The following FBL variants were observed in gnomAD, a reference collection of about 807,000 sequenced individuals.
The protein encoded by FBL is fibrillarin rRNA 2'-O-methyltransferase, also known as rRNA 2'-O-methyltransferase fibrillarin.
Under a neutral mutation model 42.2 loss-of-function variants are expected in FBL, and 10 were observed. The ratio of observed to expected loss-of-function variants is 0.24; its 90% CI spans 0.15 to 0.40. FBL has a LOEUF of 0.40. FBL is among the 10% of genes least tolerant of loss of function. FBL has a pLI of 1.00. For missense variants in FBL, 351 were observed against 439.2 expected, an observed-to-expected ratio of 0.80 and a Z score of 1.79; for synonymous variants, 165 against 165.4, an observed-to-expected ratio of 1.00 and a Z score of 0.02.
chr19:39,834,836 G>GTCTA, intron 7 of FBL, 23 bp from the exon 8 acceptor site: 2 of 1,613,692 alleles, frequency 1.2e-6, no homozygotes, highest in Non-Finnish European at 1.7e-6. Context: ...AAGGACTAAT[G>GTCTA]TCTACAACAG....
Position 39,842,702 on chromosome 19 carries a change from T to C in FBL, c.11-1915A>G, listed in dbSNP as rs547386652. Reference sequence around the variant, plus strand: ...CATCCAAAATGAAATAAAAAGTCCTTTCCCTGGCTTACAAAGCCTGAAATC... The same window carrying C: ...CATCCAAAATGAAATAAAAAGTCCTCTCCCTGGCTTACAAAGCCTGAAATC... On this transcript the variant is annotated intron_variant, in intron 1 of 8. Coordinates refer to ENST00000221801, the MANE Select transcript of FBL (RefSeq NM_001436.4). 4.6e-5 allele frequency among the ~76,000 whole-genome samples: 7 copies of C among 152,292 alleles called. No individual in the cohort carries two copies. The East Asian group carries it at 1.3e-3, about 29-fold the overall frequency.
chr19:39,844,585 G>A (rs1399630546), intron 1 of FBL, among the ~76,000 whole-genome samples: 2 of 151,920 alleles, frequency 1.3e-5, no homozygotes, highest in Non-Finnish European at 2.9e-5. Flanking sequence ...CAAACCCTTG[G>A]TTATCCTTGA....
chr19:39,835,736 A>G (rs935447391), intron 7 of FBL, among the ~76,000 whole-genome samples: 1 of 151,820 alleles, frequency 6.6e-6, no homozygotes, highest in African/African-American at 2.4e-5. Flanking sequence ...GAGCAGCCTG[A>G]GCAACATGGC....
rs1969258414 is a variant in FBL, at chr19:39,846,173, GA to G, written c.10+117del. On this transcript the variant is annotated intron_variant, in intron 1 of 8. Transcript: ENST00000221801. ...GAATCCCCCTTCCCACAGGAGACTG[GA>G]ACCCGTGCTCAGAACCCCTGCCCCC... 2.1e-5 allele frequency: 25 copies of G among 1,206,014 alleles called. No homozygotes were observed. In the South Asian group the frequency reaches 3.1e-4, roughly 15 times the overall value. The allele number at this position is 1,206,014 out of a possible 1,614,324, so 74.7% of individuals were successfully genotyped here.
chr19:39,834,849 C>A, intron 7 of FBL, 36 bp from the exon 8 acceptor site: 1 of 1,611,232 alleles, frequency 6.2e-7, no homozygotes, highest in South Asian at 1.1e-5. Flanking sequence ...TACAACAGGG[C>A]TTTGGGCTGT....
chr19:39,844,576 A>C (rs1969224306), intron 1 of FBL, among the ~76,000 whole-genome samples: 1 of 152,084 alleles, frequency 6.6e-6, no homozygotes, highest in Admixed American at 6.6e-5. Flanking sequence ...ACACACCCCC[A>C]AACCCTTGGT....
In FBL at chr19:39,840,780, A is replaced by G; in HGVS notation, c.18T>C (p.Ser6=). The change falls in exon 2 of 9, where the codon AGT becomes AGC. Residue 6 remains serine (S), a synonymous_variant. Coordinates refer to ENST00000221801, the MANE Select transcript of FBL (RefSeq NM_001436.4). This position sits in a 1 kb window ranked among gnomAD's most constrained non-coding sequence, Gnocchi z 4.5. ...GGCCGCCAAAGCCACCCCCACGGGG[A>G]CTGAATCCTGTGGGGGAAACAAAAC... MKPGF[S]PRGGGFGGRG... The G allele has an allele frequency of 6.4e-7, 1 of 1,553,230 alleles. No individual in the cohort carries two copies. Among genetic ancestry groups the G allele is most frequent in the Non-Finnish European group, 8.7e-7 (1 of 1,148,436 alleles).
chr19:39,836,935 G>T (rs966393504), intron 6 of FBL, among the ~76,000 whole-genome samples: 1 of 152,226 alleles, frequency 6.6e-6, no homozygotes, highest in Non-Finnish European at 1.5e-5. Flanking sequence ...ACATAGAGAC[G>T]AGTCAGACCC....
Position 39,840,218 on chromosome 19 carries a change from G to C in FBL, c.378+15C>G, listed in dbSNP as rs1249415364. The C allele has an allele frequency of 4.4e-6, 7 of 1,604,346 alleles. No individual in the cohort carries two copies. Among genetic ancestry groups the C allele is most frequent in the Non-Finnish European group, 6.0e-6 (7 of 1,171,666 alleles). On this transcript the variant is annotated intron_variant, in intron 4 of 8. Coordinates refer to ENST00000221801, the MANE Select transcript of FBL (RefSeq NM_001436.4). This position sits in a 1 kb window ranked among gnomAD's most constrained non-coding sequence, Gnocchi z 4.5. ...GCTGCGACCCTGGTGGCTTGGACAG[G>C]GGCCCAGTTCTCACCGAAATCGAGA...
chr19:39,837,688 G>T (rs902323956), intron 6 of FBL, 23 bp downstream of exon 6: 2 of 1,537,664 alleles, frequency 1.3e-6, no homozygotes, highest in African/African-American at 2.8e-5. Flanking sequence ...CTACCCCACC[G>T]GGGCCACCCC....
intron 1 of FBL, among the ~76,000 whole-genome samples, chr19:39,842,980 G>A (rs1969188578): frequency 6.6e-6 from 1 of 152,154 alleles, no homozygotes; most frequent in Non-Finnish European, 1.5e-5. Context: ...CTGCAGACAT[G>A]TGCATGGCTC....
intron 5 of FBL, 132 bp from the exon 6 acceptor site, chr19:39,837,975 C>T (rs616650): frequency 0.53 from 345,500 of 657,722 alleles, 94,203 homozygotes; most frequent in African/African-American, 0.71. Context: ...ATGACTATTG[C>T]TATCATGTCC....
Position 39,834,741 on chromosome 19 carries a change from T to C in FBL, c.868A>G (p.Asn290Asp), listed in dbSNP as rs200588236. ...GTCAACTGCTCCTGCGGCTTCATGT[T>C]CTCCTGTTGCATCTTTTTCACTTCG... is the stretch of plus-strand genomic sequence containing the variant. Reference protein sequence around the residue: ...ASEVKKMQQENMKPQEQLTLE... With the variant: ...ASEVKKMQQEDMKPQEQLTLE... Residue 290 changes from asparagine to aspartate, a missense_variant, in exon 8 of 9, where the codon AAC (asparagine) becomes GAC (aspartate). Coordinates refer to ENST00000221801, the MANE Select transcript of FBL (RefSeq NM_001436.4). 29 of 1,614,028 alleles carry C rather than the reference T, an allele frequency of 1.8e-5. No individual in the cohort carries two copies. The highest frequency in any genetic ancestry group is 2.5e-5 in the Non-Finnish European group (29 of 1,180,026).
chr19:39,839,255 C>T (rs200948849), intron 4 of FBL, 50 bp from the exon 5 acceptor site: 2 of 1,485,982 alleles, frequency 1.3e-6, no homozygotes, highest in Admixed American at 3.9e-5. Flanking sequence ...TCTGCAGGAC[C>T]TCACTGCCTT....
chr19:39,835,702 G>A (rs1969031594), intron 7 of FBL, among the ~76,000 whole-genome samples: 1 of 152,114 alleles, frequency 6.6e-6, no homozygotes, highest in South Asian at 2.1e-4. Flanking sequence ...GAGACAGGCA[G>A]ATTGCCTGAG....
chr19:39,836,740 G>A, intron 6 of FBL, 72 bp from the exon 7 acceptor site: 1 of 1,122,924 alleles, frequency 8.9e-7, no homozygotes, highest in Non-Finnish European at 1.3e-6. Context: ...TGGGGCCTAT[G>A]CCCATCACCA....
In FBL at chr19:39,840,722, C is replaced by G. The variant is rs1969147093; in HGVS notation, c.76G>C (p.Gly26Arg). The G allele has an allele frequency of 1.3e-5, 21 of 1,579,646 alleles. No individual in the cohort carries two copies. The highest frequency in any genetic ancestry group is 1.5e-5 in the Non-Finnish European group (18 of 1,163,154). Residue 26 changes from glycine to arginine, a missense_variant, in exon 2 of 9, where the codon GGC becomes CGC. Coordinates refer to ENST00000221801, the MANE Select transcript of FBL (RefSeq NM_001436.4). The surrounding 1 kb of genome is among the most constrained non-coding windows in gnomAD (Gnocchi z 4.5). Reference protein sequence around the residue: ...GGFGDRGGRGGRGGFGGGRGR... With the variant: ...GGFGDRGGRGRRGGFGGGRGR... Reference sequence around the variant, plus strand: ...CGGCCCCCGCCAAAGCCCCCTCGGCCTCCACGACCACCACGGTCACCAAAG... The same window carrying G: ...CGGCCCCCGCCAAAGCCCCCTCGGCGTCCACGACCACCACGGTCACCAAAG...
rs573170290 is a variant in FBL, at chr19:39,842,149, G to A, written c.11-1362C>T. Among the ~76,000 whole-genome samples, 12 of 150,570 alleles carry A rather than the reference G, an allele frequency of 8.0e-5. No homozygotes were observed. The East Asian group carries it at 1.8e-3, about 22-fold the overall frequency. ...CACCCAGGCTGGAGTGCAGTGACACGATCTCGGCTCACTGCAAGCTCCACC... is the reference window on the plus strand; with the variant it reads ...CACCCAGGCTGGAGTGCAGTGACACAATCTCGGCTCACTGCAAGCTCCACC... On this transcript the variant is annotated intron_variant, in intron 1 of 8. Transcript: ENST00000221801.
intron 6 of FBL, 70 bp downstream of exon 6, chr19:39,837,641 T>C: frequency 7.3e-7 from 1 of 1,374,112 alleles, no homozygotes; most frequent in South Asian, 1.4e-5. Flanking sequence ...GAATCAGAGA[T>C]CCACTGGCTT....
Sources: allele counts gnomAD v4.1 joint callset (sites outside exome capture counted in the v4.1 genomes callset), GRCh38; gene constraint gnomAD v4.1.1; non-coding constraint Gnocchi (gnomAD v3.1); transcripts MANE v1.5; gene names NCBI Gene and HGNC (gene_info 2026-07-23, HGNC 2026-07-21).